Variants in EWSR1 observed in about 807,000 individuals in gnomAD.
The protein encoded by EWSR1 is RNA-binding protein EWS.
EWSR1 carries 14 observed loss-of-function variants against 92.1 expected under a neutral mutation model. The observed-to-expected ratio is 0.15, with a 90% CI of 0.10 to 0.24. The LOEUF (loss-of-function observed/expected upper bound fraction) is 0.24, where lower values mean the gene tolerates loss of function less well. Among genes scored for constraint, EWSR1 ranks in the 10% least tolerant of loss-of-function variants. The probability of loss-of-function intolerance (pLI) is 1.00; values close to 1 mark genes in which losing one functional copy is unlikely to be tolerated. For synonymous variants in EWSR1, 303 were observed against 292.9 expected, an observed-to-expected ratio of 1.03 and a Z score of -0.35; for missense variants, 637 against 870.9, an observed-to-expected ratio of 0.73 and a Z score of 3.38.
chr22:29,292,132 G>C lies in EWSR1; in HGVS notation c.1013-5G>C, dbSNP rs2060487091. 6.2e-7 allele frequency: 1 copy of C among 1,613,530 alleles called. No homozygotes were observed. Among genetic ancestry groups the C allele is most frequent in the East Asian group, 2.2e-5 (1 of 44,864 alleles). On this transcript the variant is annotated splice_polypyrimidine_tract_variant and splice_region_variant and intron_variant, in intron 9 of 16. Transcript: ENST00000397938. Reference sequence around the variant, plus strand: ...ATATTTTATATGATCTTTCCTGGTTGGCAGGACCCATGGATGAAGGACCAG... The same window carrying C: ...ATATTTTATATGATCTTTCCTGGTTCGCAGGACCCATGGATGAAGGACCAG...
At position 29,300,476 on chromosome 22, in the gene EWSR1, A is replaced by ATT; in HGVS notation, c.*316_*317insTT. 1 of 240,406 alleles carries ATT rather than the reference A, an allele frequency of 4.2e-6. No homozygotes were observed. Among genetic ancestry groups the ATT allele is most frequent in the East Asian group, 6.8e-5 (1 of 14,638 alleles). The allele number at this position is 240,406 out of a possible 1,614,324, so 14.9% of individuals were successfully genotyped here. A position where few individuals can be genotyped will look rare whatever the true frequency, so the allele number is the denominator to read the frequency against. On this transcript the variant is annotated 3_prime_UTR_variant, in exon 17 of 17. Coordinates refer to ENST00000397938, the MANE Select transcript of EWSR1 (RefSeq NM_005243.4). The stretch of plus-strand genomic sequence containing the variant: ...AACTGTAACAATGTTCATGGTTGTG[A>ATT]TGTTTTTTTTTTTTTTTTAAATAAA...
At chr22:29,299,379 CTCTTT>C (rs752871850) in intron 15 of EWSR1, 48 bp downstream of exon 15, 116 of 1,577,476 alleles carry the variant, frequency 7.4e-5, no homozygotes, top group Middle Eastern at 3.4e-4. Context: ...GGTGCTAAAC[CTCTTT>C]TCTTATTTGT....
intron 3 of EWSR1, 142 bp from the exon 4 acceptor site, chr22:29,273,599 C>T: frequency 1.1e-6 from 1 of 913,854 alleles, no homozygotes; most frequent in African/African-American, 1.7e-5. Context: ...GATTATTTGT[C>T]TTGTTTTGTT....
intron 11 of EWSR1, 108 bp from the exon 12 acceptor site, chr22:29,296,131 T>C: frequency 9.3e-7 from 1 of 1,072,148 alleles, no homozygotes; most frequent in Admixed American, 2.6e-5. Flanking sequence ...TGACATTTAG[T>C]GACTTACTAC....
chr22:29,292,588 G>C lies in EWSR1; in HGVS notation c.1146G>C (p.Lys382Asn), dbSNP rs772207979. Residue 382 changes from lysine to asparagine, a missense_variant, in exon 11 of 17, where the codon AAG becomes AAC. By Grantham distance (94) the Lys-to-Asn change is moderately conservative (BLOSUM62 0). Coordinates refer to ENST00000397938, the MANE Select transcript of EWSR1 (RefSeq NM_005243.4). Reference protein sequence around the residue: ...VTLDDLADFFKQCGVVKMNKR... With the variant: ...VTLDDLADFFNQCGVVKMNKR... Reference sequence around the variant, plus strand: ...TAGATGATCTGGCAGACTTCTTTAAGCAGTGTGGGGTTGTTAAGGTCAGTA... The same window carrying C: ...TAGATGATCTGGCAGACTTCTTTAACCAGTGTGGGGTTGTTAAGGTCAGTA... 1 of 1,612,906 alleles carries C rather than the reference G, an allele frequency of 6.2e-7. No individual in the cohort carries two copies. Among genetic ancestry groups the C allele is most frequent in the Non-Finnish European group, 8.5e-7 (1 of 1,178,934 alleles).
rs149180222 is a variant in EWSR1 at position 29,286,989 on chromosome 22, A to G, written c.648A>G (p.Gln216=). Reference sequence around the variant, plus strand: ...ACTCTCAGCAGAACACCTATGGGCAACCGAGCAGCTATGGACAGCAGAGTA... The same window carrying G: ...ACTCTCAGCAGAACACCTATGGGCAGCCGAGCAGCTATGGACAGCAGAGTA... ...SSYSQQNTYG[Q]PSSYGQQSSY... Residue 216 remains glutamine, a synonymous_variant, in exon 7 of 17, where the codon CAA becomes CAG. Transcript: ENST00000397938. The G allele has an allele frequency of 2.4e-5, 38 of 1,613,854 alleles. No homozygotes were observed. The highest frequency in any genetic ancestry group is 1.9e-4 in the African/African-American group (14 of 75,004).
chr22:29,279,137 G>T (rs1030705883), intron 5 of EWSR1, among the ~76,000 whole-genome samples: 4 of 152,150 alleles, frequency 2.6e-5, no homozygotes, highest in Non-Finnish European at 4.4e-5. Context: ...GAGAGAGTGT[G>T]TGTGTGTGTG....
chr22:29,276,991 GGTT>G (rs3066725), intron 4 of EWSR1: 25,270 of 230,890 alleles, frequency 0.11, 1,762 homozygotes, highest in East Asian at 0.32. Context: ...CACCAGGAAT[GGTT>G]GTAACACCTC....
chr22:29,287,710 G>A (rs2060152436), intron 7 of EWSR1, among the ~76,000 whole-genome samples: 2 of 152,224 alleles, frequency 1.3e-5, no homozygotes, highest in Admixed American at 1.3e-4. Flanking sequence ...GTTTTAGACT[G>A]CTAGCCCTGC....
chr22:29,274,135 A>G (rs913896922), intron 4 of EWSR1: 4 of 1,035,434 alleles, frequency 3.9e-6, no homozygotes, highest in Admixed American at 4.0e-5. Flanking sequence ...TATGTAAAAG[A>G]TTTTGCTAAT....
At chr22:29,276,162 A>G (rs1359360069) in intron 4 of EWSR1, 2 of 231,154 alleles carry the variant, frequency 8.7e-6, no homozygotes, top group African/African-American at 2.2e-5. Flanking sequence ...CTCCTTGTAA[A>G]TCTTATAGAC....
At chr22:29,270,876 T>G (rs2058624012) in intron 1 of EWSR1, among the ~76,000 whole-genome samples, 1 of 152,246 alleles carries the variant, frequency 6.6e-6, no homozygotes, top group Non-Finnish European at 1.5e-5. Context: ...AAGATTGTCA[T>G]GAACAGATTA....
chr22:29,286,513 C>G lies in EWSR1; in HGVS notation c.582-410C>G, dbSNP rs1349788021. On this transcript the variant is annotated intron_variant, in intron 6 of 16. Transcript: ENST00000397938. ...ACCATCCTGGCTAACAAGATGAAACCCTGTCTCTACTAAAAACAAAAAAAC... is the reference window on the plus strand; with the variant it reads ...ACCATCCTGGCTAACAAGATGAAACGCTGTCTCTACTAAAAACAAAAAAAC... Among the ~76,000 whole-genome samples the G allele has an allele frequency of 3.3e-5, 5 of 151,534 alleles. No homozygotes were observed. In the East Asian group the frequency reaches 5.8e-4, roughly 18 times the overall value.
In EWSR1 at chr22:29,278,124, C is replaced by T. The variant is rs2059261357; in HGVS notation, c.321C>T (p.Thr107=). ...AYDTTTATVT[T]TQASYAAQSA... ...ATACCACCACTGCTACAGTCACCAC[C>T]ACCCAGGCCTCCTATGCAGCTCAGT... Residue 107 remains threonine (T), a synonymous_variant, in exon 5 of 17, where the codon ACC becomes ACT. Transcript: ENST00000397938. 6.2e-7 allele frequency: 1 copy of T among 1,614,080 alleles called. No individual in the cohort carries two copies. Among genetic ancestry groups the T allele is most frequent in the African/African-American group, 1.3e-5 (1 of 74,928 alleles).
At chr22:29,271,604 A>G (rs965984164) in intron 1 of EWSR1, among the ~76,000 whole-genome samples, 2 of 152,192 alleles carry the variant, frequency 1.3e-5, no homozygotes, top group African/African-American at 4.8e-5. Flanking sequence ...TTTATAATAT[A>G]TCTAGCTTTT....
chr22:29,272,459 T>C lies in EWSR1; in HGVS notation c.102+28T>C, dbSNP rs1397195103. The C allele has an allele frequency of 1.9e-6, 3 of 1,603,742 alleles. No individual in the cohort carries two copies. In the African/African-American group the frequency reaches 4.0e-5, roughly 21 times the overall value. ...AATCTTTAAAATAATTACATGTAGC[T>C]GCACCTCCAAGTAAAATCAGTATAT... On this transcript the variant is annotated intron_variant, in intron 3 of 16. Coordinates refer to ENST00000397938, the MANE Select transcript of EWSR1 (RefSeq NM_005243.4).
Position 29,299,218 on chromosome 22 carries a change from A to ATGTAAT in EWSR1, c.1581-11_1581-6dup, listed in dbSNP as rs777195893. On this transcript the variant is annotated splice_polypyrimidine_tract_variant and intron_variant, in intron 14 of 16. Coordinates refer to ENST00000397938, the MANE Select transcript of EWSR1 (RefSeq NM_005243.4). The stretch of plus-strand genomic sequence containing the variant: ...AGTTCAATTGGTGATTTCTGCTGTG[A>ATGTAAT]TGTAATTGTATGCAGGGGTTGTGGA... 1 of 1,613,854 alleles carries ATGTAAT rather than the reference A, an allele frequency of 6.2e-7. No homozygotes were observed. Among genetic ancestry groups the ATGTAAT allele is most frequent in the African/African-American group, 1.3e-5 (1 of 74,890 alleles).
chr22:29,288,809 T>C (rs750239392), intron 8 of EWSR1, 23 bp downstream of exon 8: 3 of 1,540,654 alleles, frequency 1.9e-6, no homozygotes, highest in Non-Finnish European at 2.6e-6. Context: ...CTTTTCTCCT[T>C]TTACCTAATT....
At chr22:29,274,008 C>T (rs182974228) in intron 4 of EWSR1, 144 bp downstream of exon 4, 5 of 1,121,334 alleles carry the variant, frequency 4.5e-6, no homozygotes, top group African/African-American at 1.6e-5. Context: ...GGTATTTTTT[C>T]TCTTTCTTCC....
Sources: allele counts gnomAD v4.1 joint callset (sites outside exome capture counted in the v4.1 genomes callset), GRCh38; gene constraint gnomAD v4.1.1; transcripts MANE v1.5; gene names NCBI Gene and HGNC (gene_info 2026-07-23, HGNC 2026-07-21).